Variants in CCDC83 observed in about 807,000 individuals in gnomAD.
The protein encoded by CCDC83 is coiled-coil domain containing 83, also known as coiled-coil domain-containing protein 83.
CCDC83 carries 54 observed loss-of-function variants against 50.1 expected under a neutral mutation model. The ratio of observed to expected loss-of-function variants is 1.08; its 90% CI spans 0.87 to 1.35. CCDC83 has a LOEUF of 1.35. Among genes scored for constraint, CCDC83 ranks in the 40% most tolerant of loss-of-function variants. The pLI, the probability that CCDC83 is intolerant of heterozygous loss-of-function variation, is 0.00. For missense variants in CCDC83, 518 were observed against 473.9 expected, an observed-to-expected ratio of 1.09 and a Z score of -0.86; for synonymous variants, 161 against 153.3, an observed-to-expected ratio of 1.05 and a Z score of -0.37.
intron 5 of CCDC83, among the ~76,000 whole-genome samples, chr11:85,893,956 A>G (rs2093361303): frequency 6.6e-6 from 1 of 152,160 alleles, no homozygotes; most frequent in Non-Finnish European, 1.5e-5. Flanking sequence ...AGGAATGAAC[A>G]AATTGGACTC....
chr11:85,862,156 AT>A (rs1352044870), intron 1 of CCDC83, among the ~76,000 whole-genome samples: 2 of 152,164 alleles, frequency 1.3e-5, no homozygotes, highest in African/African-American at 4.8e-5. Context: ...GAAAAAAATG[AT>A]TGTGATATGT....
At chr11:85,856,547 G>C (rs1051497099) in intron 1 of CCDC83, among the ~76,000 whole-genome samples, 7 of 152,190 alleles carry the variant, frequency 4.6e-5, no homozygotes, top group Non-Finnish European at 8.8e-5. Flanking sequence ...TAGCAACTCT[G>C]GATCAGAAGA....
chr11:85,917,206 GAAGGAAAGAAAGAAAGAAAGAAAGA>G (rs2093484818), intron 10 of CCDC83, among the ~76,000 whole-genome samples: 9 of 125,244 alleles, frequency 7.2e-5, no homozygotes, highest in Non-Finnish European at 1.2e-4. Flanking sequence ...AAGAAAGAAA[GAAGGAAAGAAAGAAAGAAAGAAAGA>G]AAAGAAAGAA....
rs1211201447 is a variant in CCDC83 at position 85,917,253 on chromosome 11, GGAAA to G, written c.1080+1022_1080+1025del. 6.5e-3 allele frequency among the ~76,000 whole-genome samples: 860 copies of G among 133,194 alleles called. 10 individuals carry two copies. The highest frequency in any genetic ancestry group is 0.022 in the African/African-American group (814 of 36,218). 87.4% of individuals were successfully genotyped at this position (133,194 alleles called of 152,430 possible). ...AAGAAAAGAAAGAAAGAGGGAAGGA[GGAAA>G]GGAAGGAAGGAAGGAAGGAAAGAAG... On this transcript the variant is annotated intron_variant, in intron 10 of 10. Coordinates refer to ENST00000342404, the MANE Select transcript of CCDC83 (RefSeq NM_001286159.2).
intron 5 of CCDC83, among the ~76,000 whole-genome samples, chr11:85,886,968 G>T (rs1205342520): frequency 6.6e-6 from 1 of 152,086 alleles, no homozygotes; most frequent in African/African-American, 2.4e-5. Context: ...TTCCACACTG[G>T]GACAGAAGCA....
chr11:85,911,858 C>G (rs2093456169), intron 8 of CCDC83, among the ~76,000 whole-genome samples: 1 of 152,054 alleles, frequency 6.6e-6, no homozygotes, highest in Admixed American at 6.6e-5. Context: ...CAAAACTACT[C>G]TGTAGGCCGA....
Position 85,903,871 on chromosome 11 carries a change from G to A in CCDC83, c.672+4856G>A, listed in dbSNP as rs1364503409. 2.0e-5 allele frequency among the ~76,000 whole-genome samples: 3 copies of A among 152,074 alleles called. No individual in the cohort carries two copies. The East Asian group carries it at 5.8e-4, about 29-fold the overall frequency. ...AGTCCCTGCTACTTGGGAGGATGAG[G>A]CAGCAGGATCACTTGAGCCCAGGAG... On this transcript the variant is annotated intron_variant, in intron 7 of 10. Coordinates refer to ENST00000342404, the MANE Select transcript of CCDC83 (RefSeq NM_001286159.2).
chr11:85,916,346 T>G, intron 10 of CCDC83, 113 bp downstream of exon 10: 3 of 848,240 alleles, frequency 3.5e-6, no homozygotes, highest in Non-Finnish European at 5.8e-6. Context: ...CCATTTGCAA[T>G]TATTAGTAAA....
intron 7 of CCDC83, among the ~76,000 whole-genome samples, chr11:85,908,819 G>A (rs1031891263): frequency 1.6e-4 from 24 of 152,242 alleles, no homozygotes; most frequent in African/African-American, 5.5e-4. Context: ...AGGCTGAGGT[G>A]GAAGGATCAC....
chr11:85,917,636 C>G (rs1042302534), intron 10 of CCDC83, among the ~76,000 whole-genome samples: 3 of 152,164 alleles, frequency 2.0e-5, no homozygotes, highest in African/African-American at 7.2e-5. Context: ...AAAAGTTCTC[C>G]TAGAATTTGA....
intron 5 of CCDC83, among the ~76,000 whole-genome samples, chr11:85,887,985 G>A (rs1233215919): frequency 6.6e-6 from 1 of 151,818 alleles, no homozygotes; most frequent in Non-Finnish European, 1.5e-5. Context: ...TTTATTTTTT[G>A]TAGAGGTCTC....
At chr11:85,867,390 A>G (rs567989308) in intron 2 of CCDC83, among the ~76,000 whole-genome samples, 2 of 152,326 alleles carry the variant, frequency 1.3e-5, no homozygotes, top group South Asian at 2.1e-4. Context: ...AATGTACCAT[A>G]AAAGATGTAT....
intron 2 of CCDC83, 138 bp downstream of exon 2, chr11:85,865,356 T>C: frequency 1.6e-6 from 1 of 628,660 alleles, no homozygotes; most frequent in South Asian, 1.9e-5. Flanking sequence ...CTAATTGCAC[T>C]CTTGTGCTAT....
chr11:85,872,895 T>C (rs954127032), intron 2 of CCDC83, among the ~76,000 whole-genome samples: 7 of 152,304 alleles, frequency 4.6e-5, no homozygotes, highest in African/African-American at 1.4e-4. Context: ...CTAGAAAGCA[T>C]GTTTTCTGTA....
intron 5 of CCDC83, among the ~76,000 whole-genome samples, chr11:85,888,337 A>G (rs1218225580): frequency 6.6e-6 from 1 of 152,180 alleles, no homozygotes; most frequent in African/African-American, 2.4e-5. Flanking sequence ...TGTCAGTCTT[A>G]TGGGTCGAAA....
At chr11:85,855,793 G>A (rs1006365223) in intron 1 of CCDC83, among the ~76,000 whole-genome samples, 1 of 152,150 alleles carries the variant, frequency 6.6e-6, no homozygotes, top group African/African-American at 2.4e-5. Context: ...ACAACTCTGT[G>A]CAGGAGCTGG....
chr11:85,894,966 C>A (rs1175706673), intron 5 of CCDC83, among the ~76,000 whole-genome samples: 4 of 152,170 alleles, frequency 2.6e-5, no homozygotes, highest in African/African-American at 9.7e-5. Flanking sequence ...GACAGAGAAT[C>A]CTGTGCTTCA....
Position 85,898,965 on chromosome 11 carries a change from G to A in CCDC83, c.622G>A (p.Asp208Asn), listed in dbSNP as rs2093387831. ...WATQNAVKLI[D>N]KGSYLEIWEN... The stretch of plus-strand genomic sequence containing the variant: ...CTTTTAGAATGCTGTAAAGCTCATT[G>A]ACAAGGGCAGTTATCTAGAGATCTG... The change falls in exon 7 of 11, where the codon GAC (aspartate) becomes AAC (asparagine). Residue 208 changes from aspartate to asparagine, a missense_variant. Physicochemically the swap from Asp to Asn is conservative, Grantham distance 23. Transcript: ENST00000342404. The A allele has an allele frequency of 1.9e-6, 3 of 1,612,112 alleles. No individual in the cohort carries two copies. The highest frequency in any genetic ancestry group is 1.3e-5 in the African/African-American group (1 of 74,854).
intron 2 of CCDC83, 38 bp from the exon 3 acceptor site, chr11:85,873,172 TA>T: frequency 9.2e-7 from 1 of 1,086,374 alleles, no homozygotes; most frequent in Non-Finnish European, 1.3e-6. Context: ...TTTCCTAAGA[TA>T]AATGATTCTA....
Sources: gnomAD v4.1 joint callset for allele counts (sites outside exome capture counted in the v4.1 genomes callset) on GRCh38, gnomAD v4.1.1 for gene constraint, MANE v1.5 for transcripts, NCBI Gene and HGNC (gene_info 2026-07-23, HGNC 2026-07-21) for gene names.